MBTPS1: variants seen among roughly 807,000 people sequenced by gnomAD.
MBTPS1 encodes the protein membrane-bound transcription factor site-1 protease.
MBTPS1 carries 94 observed loss-of-function variants against 127.8 expected under a neutral mutation model. The ratio of observed to expected loss-of-function variants is 0.74; its 90% CI spans 0.62 to 0.87. The LOEUF (loss-of-function observed/expected upper bound fraction) is 0.87, where lower values mean the gene tolerates loss of function less well. MBTPS1 is among the 40% of genes least tolerant of loss of function. The pLI, the probability that MBTPS1 is intolerant of heterozygous loss-of-function variation, is 0.00. For synonymous variants in MBTPS1, 632 were observed against 509.4 expected (o/e 1.24, Z -3.24); for missense variants, 1,636 against 1,353.2 (o/e 1.21, Z -3.28).
At chr16:84,114,723 G>A (rs536845494) in intron 1 of MBTPS1, among the ~76,000 whole-genome samples, 1 of 150,496 alleles carries the variant, frequency 6.6e-6, no homozygotes, top group Non-Finnish European at 1.5e-5. Flanking sequence ...CCGGCTACTC[G>A]GGAGGCTGAG....
chr16:84,104,442 G>T (rs920405398), intron 1 of MBTPS1, among the ~76,000 whole-genome samples: 2 of 152,124 alleles, frequency 1.3e-5, no homozygotes, highest in Non-Finnish European at 2.9e-5. Context: ...CAGCCTGGGT[G>T]ACACAGTGAG....
rs1279521977 is a variant in MBTPS1, at chr16:84,085,132, C to T, written c.1137G>A (p.Glu379=). ...RFSSRGMTTW[E]LPGGYGRMKP... The stretch of plus-strand genomic sequence containing the variant: ...TCATGCGACCGTAGCCTCCTGGTAG[C>T]TCCTATGAATAAAAGCAGCTTGGTT... Residue 379 remains glutamate (E), a splice_region_variant and synonymous_variant, in exon 10 of 23, where the codon GAG becomes GAA. Coordinates refer to ENST00000343411, the MANE Select transcript of MBTPS1 (RefSeq NM_003791.4). 16 of 1,613,942 alleles carry T rather than the reference C, an allele frequency of 9.9e-6. No homozygotes were observed. Among genetic ancestry groups the T allele is most frequent in the Non-Finnish European group, 1.4e-5 (16 of 1,179,988 alleles).
rs2086041651 is a variant in MBTPS1 at position 84,087,250 on chromosome 16, G to C, written c.1134+108C>G. Reference sequence around the variant, plus strand: ...CCCGGCTATTCCCATGTGAATGTGAGGGTGTCTGTGCACTTACAAATACAC... The same window carrying C: ...CCCGGCTATTCCCATGTGAATGTGACGGTGTCTGTGCACTTACAAATACAC... On this transcript the variant is annotated intron_variant, in intron 9 of 22. Transcript: ENST00000343411. The C allele has an allele frequency of 2.2e-5, 17 of 787,572 alleles. 1 individual carries two copies. Among genetic ancestry groups the C allele is most frequent in the South Asian group, 1.1e-4 (7 of 66,462 alleles). 48.8% of individuals were successfully genotyped at this position (787,572 alleles called of 1,614,324 possible). A position where few individuals can be genotyped will look rare whatever the true frequency, so the allele number is the denominator to read the frequency against.
At position 84,116,925 on chromosome 16, in the gene MBTPS1, G is replaced by T. The variant is rs1597364247; in HGVS notation, c.-515C>A. 1 of 152,272 alleles carries T rather than the reference G, an allele frequency of 6.6e-6. No individual in the cohort carries two copies. The highest frequency in any genetic ancestry group is 1.9e-4 in the East Asian group (1 of 5,192). The allele number at this position is 152,272 out of a possible 1,614,324, so 9.4% of individuals were successfully genotyped here. ...TGCCCTGTCTGTCCCGCGCTCCCGGGGCTTGCGTGCGCGCTCTGGACGCCG... is the reference window on the plus strand; with the variant it reads ...TGCCCTGTCTGTCCCGCGCTCCCGGTGCTTGCGTGCGCGCTCTGGACGCCG... On this transcript the variant is annotated 5_prime_UTR_variant, in exon 1 of 23. Transcript: ENST00000343411.
intron 1 of MBTPS1, among the ~76,000 whole-genome samples, chr16:84,106,271 G>C (rs1003713428): frequency 1.3e-5 from 2 of 151,896 alleles, no homozygotes; most frequent in African/African-American, 4.8e-5. Flanking sequence ...CTCCAGCCTG[G>C]GCAACAAGAG....
chr16:84,111,166 G>T (rs1436119379), intron 1 of MBTPS1, among the ~76,000 whole-genome samples: 1 of 151,912 alleles, frequency 6.6e-6, no homozygotes, highest in Non-Finnish European at 1.5e-5. Flanking sequence ...CGGTGATCCA[G>T]GTGGGCCAGG....
At position 84,099,013 on chromosome 16, in the gene MBTPS1, A is replaced by G. The variant is rs1422761177; in HGVS notation, c.421+40T>C. 7 of 1,462,736 alleles carry G rather than the reference A, an allele frequency of 4.8e-6. No individual in the cohort carries two copies. In the African/African-American group the frequency reaches 1.8e-4, roughly 37 times the overall value. 90.6% of individuals were successfully genotyped at this position (1,462,736 alleles called of 1,614,324 possible). ...CTCTGCAGTTTGAGATTTTCAAAGT[A>G]AACAGCAGAGAGAAATTTGCCTACA... On this transcript the variant is annotated intron_variant, in intron 3 of 22. Transcript: ENST00000343411.
rs569852659 is a variant in MBTPS1, at chr16:84,070,754, G to C, written c.1616C>G (p.Pro539Arg). 5 of 1,610,624 alleles carry C rather than the reference G, an allele frequency of 3.1e-6. No individual in the cohort carries two copies. The highest frequency in any genetic ancestry group is 4.2e-6 in the Non-Finnish European group (5 of 1,178,266). ...AACTTCAATGTTGTCTCCGTTCTGTGGCAAATAGGGCTGCCAGTCAGGCTG... is the reference window on the plus strand; with the variant it reads ...AACTTCAATGTTGTCTCCGTTCTGTCGCAAATAGGGCTGCCAGTCAGGCTG... ...VDKPDWQPYL[P>R]QNGDNIEVAF... The change falls in exon 13 of 23, where the codon CCA becomes CGA. Residue 539 changes from proline to arginine, a missense_variant. Coordinates refer to ENST00000343411, the MANE Select transcript of MBTPS1 (RefSeq NM_003791.4).
chr16:84,062,810 C>T (rs987496828), intron 19 of MBTPS1, among the ~76,000 whole-genome samples: 4 of 152,146 alleles, frequency 2.6e-5, no homozygotes, highest in African/African-American at 9.7e-5. Context: ...CTTCACGCCT[C>T]GAGATAACAA....
intron 17 of MBTPS1, 107 bp downstream of exon 17, chr16:84,066,382 A>G: frequency 6.6e-6 from 8 of 1,206,900 alleles, no homozygotes; most frequent in Admixed American, 2.6e-5. Flanking sequence ...CACAGACTCC[A>G]GCTAACTGAG....
intron 11 of MBTPS1, 174 bp downstream of exon 11, chr16:84,081,573 C>T: frequency 4.8e-6 from 2 of 417,856 alleles, no homozygotes; most frequent in Non-Finnish European, 8.3e-6. Context: ...AAAGCAGCTA[C>T]CAGTTCTGCC....
intron 5 of MBTPS1, 45 bp from the exon 6 acceptor site, chr16:84,093,342 C>A (rs767728752): frequency 7.8e-7 from 1 of 1,287,460 alleles, no homozygotes; most frequent in Admixed American, 1.7e-5. Context: ...CACTGAATAG[C>A]AAGTGCCAGG....
intron 17 of MBTPS1, 22 bp from the exon 18 acceptor site, chr16:84,065,789 C>G (rs1041425736): frequency 6.8e-7 from 1 of 1,478,024 alleles, no homozygotes; most frequent in Non-Finnish European, 9.2e-7. Context: ...TGTTCAAAGT[C>G]AAGGGAACAC....
intron 1 of MBTPS1, among the ~76,000 whole-genome samples, chr16:84,114,183 A>C (rs1052802141): frequency 6.6e-6 from 1 of 151,840 alleles, no homozygotes; most frequent in Admixed American, 6.6e-5. Flanking sequence ...GGATGGTCTC[A>C]ATCTCCTGAC....
At chr16:84,069,768 A>T in intron 14 of MBTPS1, 98 bp downstream of exon 14, 1 of 1,160,014 alleles carries the variant, frequency 8.6e-7, no homozygotes, top group Non-Finnish European at 1.2e-6. Flanking sequence ...AGGCTCCACG[A>T]GAAGCTGAGC....
At chr16:84,107,018 C>G (rs1033523395) in intron 1 of MBTPS1, among the ~76,000 whole-genome samples, 7 of 152,150 alleles carry the variant, frequency 4.6e-5, no homozygotes, top group Admixed American at 1.3e-4. Flanking sequence ...CCAGCAGGAG[C>G]TGAGCTCTGA....
At chr16:84,084,866 G>C (rs2085997168) in intron 10 of MBTPS1, 117 bp downstream of exon 10, 1 of 1,015,504 alleles carries the variant, frequency 9.8e-7, no homozygotes, top group Non-Finnish European at 1.5e-6. Context: ...AGGCTGTGAA[G>C]GGCCTAAGCT....
chr16:84,066,440 G>C, intron 17 of MBTPS1, 49 bp downstream of exon 17: 4 of 1,589,598 alleles, frequency 2.5e-6, no homozygotes, highest in Non-Finnish European at 3.4e-6. Flanking sequence ...GAGGTGTAGA[G>C]CTTCTGCTCT....
intron 19 of MBTPS1, among the ~76,000 whole-genome samples, chr16:84,062,190 G>A (rs190003833): frequency 5.3e-4 from 80 of 152,062 alleles, no homozygotes; most frequent in African/African-American, 1.8e-3. Flanking sequence ...GCACGATCTC[G>A]GCTCACTGCA....
Sources: gnomAD v4.1 joint callset for allele counts (sites outside exome capture counted in the v4.1 genomes callset) on GRCh38, gnomAD v4.1.1 for gene constraint, MANE v1.5 for transcripts, NCBI Gene and HGNC (gene_info 2026-07-23, HGNC 2026-07-21) for gene names.